Variants in MGAT4C observed in about 807,000 individuals in gnomAD.
MGAT4C encodes MGAT4 family member C, also known as alpha-1,3-mannosyl-glycoprotein 4-beta-N-acetylglucosaminyltransferase C.
In MGAT4C, 19 loss-of-function variants were observed where a neutral mutation model predicts 40.1. The ratio of observed to expected loss-of-function variants is 0.47; its 90% CI spans 0.33 to 0.70. The LOEUF is 0.70. MGAT4C is among the 30% of genes least tolerant of loss of function. The probability of loss-of-function intolerance (pLI) is 0.02; values close to 1 mark genes in which losing one functional copy is unlikely to be tolerated. For synonymous variants in MGAT4C, 181 were observed against 187.1 expected (o/e 0.97, Z 0.27); for missense variants, 491 against 563.2 (o/e 0.87, Z 1.30).
Position 86,461,622 on chromosome 12 carries a change from A to G in MGAT4C, c.-228-26357T>C, listed in dbSNP as rs540564333. ...TTCTTTTGGTGGGCTTCTACATTTC[A>G]ATAGAAAGAAAATCCACAGCAGTAT... On this transcript the variant is annotated intron_variant, in intron 2 of 7. Transcript: ENST00000548651. Among the ~76,000 whole-genome samples, 3 of 152,168 alleles carry G rather than the reference A, an allele frequency of 2.0e-5. No individual in the cohort carries two copies. The South Asian group carries it at 6.2e-4, about 31-fold the overall frequency.
At chr12:86,328,321 T>C (rs1013688142) in intron 4 of MGAT4C, among the ~76,000 whole-genome samples, 4 of 152,034 alleles carry the variant, frequency 2.6e-5, no homozygotes, top group Non-Finnish European at 4.4e-5. Flanking sequence ...GTAATAGAAG[T>C]CCCAGCCAGT....
At chr12:86,387,381 G>A (rs1301612391) in intron 3 of MGAT4C, among the ~76,000 whole-genome samples, 1 of 151,876 alleles carries the variant, frequency 6.6e-6, no homozygotes, top group Admixed American at 6.6e-5. Flanking sequence ...GTTTATATGT[G>A]TGTATTTCAC....
intron 2 of MGAT4C, among the ~76,000 whole-genome samples, chr12:86,659,170 T>C: frequency 6.6e-6 from 1 of 151,956 alleles, no homozygotes; most frequent in South Asian, 2.1e-4. Context: ...TTTATAGCAC[T>C]TTTTTTTCAC....
chr12:85,995,954 A>C (rs1252925240), intron 2 of MGAT4C, among the ~76,000 whole-genome samples: 2 of 152,228 alleles, frequency 1.3e-5, no homozygotes, highest in Non-Finnish European at 2.9e-5. Context: ...GTCCTAATGA[A>C]AGCTTAACAA....
chr12:86,808,512 G>C (rs1475058919), intron 1 of MGAT4C, among the ~76,000 whole-genome samples: 1 of 151,922 alleles, frequency 6.6e-6, no homozygotes, highest in South Asian at 2.1e-4. Context: ...CACATAAACA[G>C]AACTAAAGAC....
intron 4 of MGAT4C, among the ~76,000 whole-genome samples, chr12:86,306,225 A>G (rs1232588103): frequency 1.3e-5 from 2 of 150,484 alleles, no homozygotes; most frequent in Non-Finnish European, 2.9e-5. Context: ...CTCAAGAGAA[A>G]CAGAAACATA....
At chr12:86,543,264 T>C (rs1276428675) in intron 2 of MGAT4C, among the ~76,000 whole-genome samples, 19 of 151,450 alleles carry the variant, frequency 1.3e-4, no homozygotes, top group Admixed American at 1.3e-3. Flanking sequence ...GCAATTTTTA[T>C]ATTTACATTA....
intron 2 of MGAT4C, among the ~76,000 whole-genome samples, chr12:86,499,555 A>G (rs1250469043): frequency 6.6e-6 from 1 of 151,740 alleles, no homozygotes; most frequent in Non-Finnish European, 1.5e-5. Flanking sequence ...TTTTTTTAAC[A>G]CCTAAAAAAT....
chr12:86,376,820 G>GAGAGAGAGAGAGAGAGAGAGAGAGAC (rs1955833661), intron 3 of MGAT4C, among the ~76,000 whole-genome samples: 2 of 20,092 alleles, frequency 1.0e-4, no homozygotes, highest in Non-Finnish European at 7.7e-5. Flanking sequence ...GAGAGAGACA[G>GAGAGAGAGAGAGAGAGAGAGAGAGAC]AGAGAGAGAG....
chr12:86,022,434 T>C (rs7397730), intron 2 of MGAT4C: 63,708 of 152,050 alleles, frequency 0.42, 13,918 homozygotes, highest in Middle Eastern at 0.49. Context: ...GTTCTGTCTG[T>C]GCCTGGTGGC....
At chr12:86,222,475 T>A (rs1950918754) in intron 1 of MGAT4C, among the ~76,000 whole-genome samples, 1 of 152,226 alleles carries the variant, frequency 6.6e-6, no homozygotes, top group Non-Finnish European at 1.5e-5. Flanking sequence ...CTTATTGGCA[T>A]ATTGTTTTAC....
intron 2 of MGAT4C, among the ~76,000 whole-genome samples, chr12:86,589,774 C>T (rs1324189350): frequency 1.3e-5 from 2 of 151,942 alleles, no homozygotes; most frequent in Admixed American, 6.6e-5. Context: ...AAGTGTACTC[C>T]AGCATATAAA....
intron 2 of MGAT4C, among the ~76,000 whole-genome samples, chr12:86,674,126 CAG>C (rs1021635816): frequency 2.0e-5 from 3 of 151,938 alleles, no homozygotes; most frequent in Admixed American, 6.6e-5. Flanking sequence ...GTCAAATATC[CAG>C]AGAGATTATG....
chr12:86,257,314 C>T (rs538326780), upstream of MGAT4C, among the ~76,000 whole-genome samples: 1 of 152,228 alleles, frequency 6.6e-6, no homozygotes, highest in South Asian at 2.1e-4. Context: ...CTACAATCAC[C>T]TTGAAATATA....
At chr12:86,405,942 AAATACATG>A (rs1565737984) in intron 3 of MGAT4C, among the ~76,000 whole-genome samples, 4,750 of 113,500 alleles carry the variant, frequency 0.042, 267 homozygotes, top group South Asian at 0.053. Flanking sequence ...ATACATTTAT[AAATACATG>A]TATGTATTTA....
At chr12:86,690,966 T>C (rs921595764) in intron 2 of MGAT4C, among the ~76,000 whole-genome samples, 15 of 152,202 alleles carry the variant, frequency 9.9e-5, no homozygotes, top group Non-Finnish European at 2.2e-4. Context: ...TATCTCAAAT[T>C]TGATATTCTT....
rs376820682 is a variant in MGAT4C at position 86,436,210 on chromosome 12, C to T, written c.-228-945G>A. 2.0e-5 allele frequency among the ~76,000 whole-genome samples: 3 copies of T among 149,316 alleles called. No homozygotes were observed. In the South Asian group the frequency reaches 6.7e-4, roughly 33 times the overall value. ...TTATATCTGGTATCTTATTTTTCATCTGTATACAGATTAAGCAAGTGCAAC... is the reference window on the plus strand; with the variant it reads ...TTATATCTGGTATCTTATTTTTCATTTGTATACAGATTAAGCAAGTGCAAC... On this transcript the variant is annotated intron_variant, in intron 2 of 7. Coordinates refer to the MGAT4C transcript ENST00000548651.
chr12:86,460,833 A>AG, intron 2 of MGAT4C, among the ~76,000 whole-genome samples: 1 of 152,332 alleles, frequency 6.6e-6, no homozygotes, highest in East Asian at 1.9e-4. Flanking sequence ...ATTTAAAAAA[A>AG]TTAATACTAA....
At chr12:86,449,651 A>G (rs1380234711) in intron 2 of MGAT4C, among the ~76,000 whole-genome samples, 1 of 152,156 alleles carries the variant, frequency 6.6e-6, no homozygotes, top group Non-Finnish European at 1.5e-5. Flanking sequence ...TGTTTTTGAA[A>G]TTTTTATAGA....
Sources: allele counts gnomAD v4.1 joint callset (sites outside exome capture counted in the v4.1 genomes callset), GRCh38; gene constraint gnomAD v4.1.1; transcripts MANE v1.5; gene names NCBI Gene and HGNC (gene_info 2026-07-23, HGNC 2026-07-21).